SLC38A3: variants seen among roughly 807,000 people sequenced by gnomAD.
SLC38A3 encodes sodium-coupled neutral amino acid transporter 3.
A neutral mutation model predicts 59.5 loss-of-function variants in SLC38A3; 17 were observed. The observed-to-expected ratio is 0.29, with a 90% CI of 0.20 to 0.43. SLC38A3 has a LOEUF of 0.43. SLC38A3 is among the 20% of genes least tolerant of loss of function. The probability of loss-of-function intolerance (pLI) is 1.00; values close to 1 mark genes in which losing one functional copy is unlikely to be tolerated. For synonymous variants in SLC38A3, 238 were observed against 260.3 expected (o/e 0.91, Z 0.82); for missense variants, 454 against 653.9 (o/e 0.69, Z 3.33).
Position 50,215,514 on chromosome 3 carries a change from G to A in SLC38A3, c.374-30G>A. The A allele has an allele frequency of 6.2e-7, 1 of 1,613,760 alleles. No individual in the cohort carries two copies. The highest frequency in any genetic ancestry group is 8.5e-7 in the Non-Finnish European group (1 of 1,179,690). ...GGAGCTGGTGGGTAAACTGGGACAAGCTCCTGACTTCTTGACCCTGCTCCT... is the reference window on the plus strand; with the variant it reads ...GGAGCTGGTGGGTAAACTGGGACAAACTCCTGACTTCTTGACCCTGCTCCT... On this transcript the variant is annotated intron_variant, in intron 5 of 15. Transcript: ENST00000614032. The surrounding 1 kb of genome is among the most constrained non-coding windows in gnomAD (Gnocchi z 7.1).
rs1217518649 is a variant in SLC38A3 at position 50,214,523 on chromosome 3, G to A, written c.183+40G>A. On this transcript the variant is annotated intron_variant, in intron 3 of 15. Coordinates refer to ENST00000614032, the MANE Select transcript of SLC38A3 (RefSeq NM_006841.6). This position sits in a 1 kb window ranked among gnomAD's most constrained non-coding sequence, Gnocchi z 6.0. ...AACGGGTTTTAGGGGACACTGTGGG[G>A]AGCTTGGATGCAGTAATGAGGTGGT... 6.5e-7 allele frequency: 1 copy of A among 1,528,620 alleles called. No homozygotes were observed. Among genetic ancestry groups the A allele is most frequent in the Non-Finnish European group, 8.9e-7 (1 of 1,124,812 alleles). The allele number at this position is 1,528,620 out of a possible 1,614,324, so 94.7% of individuals were successfully genotyped here. A position where few individuals can be genotyped will look rare whatever the true frequency, so the allele number is the denominator to read the frequency against.
At chr3:50,209,104 T>C (rs1460276710) in intron 1 of SLC38A3, among the ~76,000 whole-genome samples, 2 of 152,222 alleles carry the variant, frequency 1.3e-5, no homozygotes, top group Non-Finnish European at 2.9e-5. Context: ...GGGTCTCCCC[T>C]GCCCCTGGGG....
chr3:50,213,957 G>A lies in SLC38A3; in HGVS notation c.-51-192G>A, dbSNP rs372248371. Among the ~76,000 whole-genome samples the A allele has an allele frequency of 6.6e-5, 10 of 152,248 alleles. 1 individual carries two copies. Among genetic ancestry groups the A allele is most frequent in the East Asian group, 5.8e-4 (3 of 5,180 alleles). Reference sequence around the variant, plus strand: ...ACTGGCTAGGGTGTCCCATCAGAACGTCCTAGGAACTCAGGTGTCTGAGCT... The same window carrying A: ...ACTGGCTAGGGTGTCCCATCAGAACATCCTAGGAACTCAGGTGTCTGAGCT... On this transcript the variant is annotated intron_variant, in intron 1 of 15. Coordinates refer to ENST00000614032, the MANE Select transcript of SLC38A3 (RefSeq NM_006841.6).
At chr3:50,210,854 G>A (rs1342527049) in intron 1 of SLC38A3, among the ~76,000 whole-genome samples, 1 of 152,116 alleles carries the variant, frequency 6.6e-6, no homozygotes, top group Non-Finnish European at 1.5e-5. Context: ...CATGACAGAT[G>A]CCATTCTGAT....
In SLC38A3 at chr3:50,214,403, G is replaced by A; in HGVS notation, c.103G>A (p.Val35Ile). 6.3e-7 allele frequency: 1 copy of A among 1,591,728 alleles called. No individual in the cohort carries two copies. The highest frequency in any genetic ancestry group is 8.6e-7 in the Non-Finnish European group (1 of 1,169,164). ...ACCCACCCTGACCTGTGCCTACAGG[G>A]TCGAGGACCCTGCACGGAGCTGTAT... ...VITPMAGNQR[V>I]EDPARSCMEG... The change falls in exon 3 of 16, where the codon GTC becomes ATC. Residue 35 changes from valine (V) to isoleucine (I), a missense_variant and splice_region_variant. Around this residue, in one of 3 missense-constraint regions of SLC38A3, gnomAD observed 390 missense variants for 557.9 expected, o/e 0.70. Transcript: ENST00000614032. This position sits in a 1 kb window ranked among gnomAD's most constrained non-coding sequence, Gnocchi z 6.0.
At position 50,215,833 on chromosome 3, in the gene SLC38A3, C is replaced by T. The variant is rs372965474; in HGVS notation, c.548+12C>T. The stretch of plus-strand genomic sequence containing the variant: ...GAGGAGAAAACCTCGTGAGCCCTGG[C>T]GTGGGGAGGGGAGGGGAGGGGTGCG... On this transcript the variant is annotated intron_variant, in intron 7 of 15. Coordinates refer to ENST00000614032, the MANE Select transcript of SLC38A3 (RefSeq NM_006841.6). This position sits in a 1 kb window ranked among gnomAD's most constrained non-coding sequence, Gnocchi z 7.1. The T allele has an allele frequency of 6.4e-5, 77 of 1,198,618 alleles. No homozygotes were observed. The East Asian group carries it at 1.0e-3, about 16-fold the overall frequency. The allele number at this position is 1,198,618 out of a possible 1,614,324, so 74.2% of individuals were successfully genotyped here. A position where few individuals can be genotyped will look rare whatever the true frequency, so the allele number is the denominator to read the frequency against.
At chr3:50,213,421 T>C (rs558841927) in intron 1 of SLC38A3, among the ~76,000 whole-genome samples, 1 of 152,128 alleles carries the variant, frequency 6.6e-6, no homozygotes, top group African/African-American at 2.4e-5. Flanking sequence ...GGAGCACCCG[T>C]TTCCTGGAAG....
At position 50,216,000 on chromosome 3, in the gene SLC38A3, A is replaced by G. The variant is rs1186004350; in HGVS notation, c.548+179A>G. 6.6e-6 allele frequency among the ~76,000 whole-genome samples: 1 copy of G among 151,848 alleles called. No homozygotes were observed. Among genetic ancestry groups the G allele is most frequent in the Non-Finnish European group, 1.5e-5 (1 of 67,966 alleles). On this transcript the variant is annotated intron_variant, in intron 7 of 15. Coordinates refer to ENST00000614032, the MANE Select transcript of SLC38A3 (RefSeq NM_006841.6). The surrounding 1 kb of genome is among the most constrained non-coding windows in gnomAD (Gnocchi z 7.1). ...CCCGCAGAGCCAGCATTCAGTTCACACTCACTTGGGAAGCACCTTGGAGAC... is the reference window on the plus strand; with the variant it reads ...CCCGCAGAGCCAGCATTCAGTTCACGCTCACTTGGGAAGCACCTTGGAGAC...
intron 1 of SLC38A3, among the ~76,000 whole-genome samples, chr3:50,206,647 G>A (rs2236940): frequency 0.4 from 61,573 of 152,108 alleles, 13,487 homozygotes; most frequent in East Asian, 0.6. Context: ...AGCCTGGCAC[G>A]TCTCTGAGAG....
chr3:50,206,206 C>T (rs1299073592), intron 1 of SLC38A3, among the ~76,000 whole-genome samples: 2 of 152,266 alleles, frequency 1.3e-5, no homozygotes, highest in African/African-American at 2.4e-5. Flanking sequence ...CTGCGGGGAC[C>T]CGCCCTTTTC....
chr3:50,215,301 A>AG lies in SLC38A3; in HGVS notation c.300-83dup. 8.1e-7 allele frequency: 1 copy of AG among 1,236,532 alleles called. No individual in the cohort carries two copies. Among genetic ancestry groups the AG allele is most frequent in the Non-Finnish European group, 1.2e-6 (1 of 841,812 alleles). The allele number at this position is 1,236,532 out of a possible 1,614,324, so 76.6% of individuals were successfully genotyped here. A position where few individuals can be genotyped will look rare whatever the true frequency, so the allele number is the denominator to read the frequency against. ...CCCAGGTCACAGACCCTCCACCCCCAGGCCTCCCAGAGCCCCTCACCCTCT... is the reference window on the plus strand; with the variant it reads ...CCCAGGTCACAGACCCTCCACCCCCAGGGCCTCCCAGAGCCCCTCACCCTCT... On this transcript the variant is annotated intron_variant, in intron 4 of 15. Coordinates refer to ENST00000614032, the MANE Select transcript of SLC38A3 (RefSeq NM_006841.6). The surrounding 1 kb of genome is among the most constrained non-coding windows in gnomAD (Gnocchi z 7.1).
At position 50,215,060 on chromosome 3, in the gene SLC38A3, G is replaced by T; in HGVS notation, c.299+292G>T. 1.7e-6 allele frequency: 1 copy of T among 573,192 alleles called. No homozygotes were observed. The highest frequency in any genetic ancestry group is 2.1e-5 in the South Asian group (1 of 48,348). The allele number at this position is 573,192 out of a possible 1,614,324, so 35.5% of individuals were successfully genotyped here. A position where few individuals can be genotyped will look rare whatever the true frequency, so the allele number is the denominator to read the frequency against. ...ACGGCCAGGCCTTGTGTGGGCACAC[G>T]TGTCCTTTGGCTGGGGGCTCTGCCC... On this transcript the variant is annotated intron_variant, in intron 4 of 15. Transcript: ENST00000614032. The surrounding 1 kb of genome is among the most constrained non-coding windows in gnomAD (Gnocchi z 7.1).
At chr3:50,212,194 C>T (rs920883055) in intron 1 of SLC38A3, among the ~76,000 whole-genome samples, 1 of 152,242 alleles carries the variant, frequency 6.6e-6, no homozygotes, top group African/African-American at 2.4e-5. Context: ...ACTGTGGTCT[C>T]CCTGGAGGCA....
Position 50,218,251 on chromosome 3 carries a change from C to A in SLC38A3, c.936-19C>A. 9 of 1,435,916 alleles carry A rather than the reference C, an allele frequency of 6.3e-6. No individual in the cohort carries two copies. Among genetic ancestry groups the A allele is most frequent in the Non-Finnish European group, 8.8e-6 (9 of 1,017,752 alleles). The allele number at this position is 1,435,916 out of a possible 1,614,324, so 88.9% of individuals were successfully genotyped here. On this transcript the variant is annotated intron_variant, in intron 11 of 15. Coordinates refer to ENST00000614032, the MANE Select transcript of SLC38A3 (RefSeq NM_006841.6). The surrounding 1 kb of genome is among the most constrained non-coding windows in gnomAD (Gnocchi z 5.8). Reference sequence around the variant, plus strand: ...TTACCCAGCTTGTCACCAACACCCACCCCCCCACTTCCCCACAGCCCCTCC... The same window carrying A: ...TTACCCAGCTTGTCACCAACACCCAACCCCCCACTTCCCCACAGCCCCTCC...
Position 50,214,181 on chromosome 3 carries a change from T to C in SLC38A3, c.-19T>C. The C allele has an allele frequency of 6.2e-7, 1 of 1,608,862 alleles. No homozygotes were observed. Among genetic ancestry groups the C allele is most frequent in the Non-Finnish European group, 8.5e-7 (1 of 1,176,478 alleles). ...ACTGTTGGTGTGAGACCAGTGCTCC[T>C]GGTGGTGTGCCCTGAGCCATGGAGG... On this transcript the variant is annotated 5_prime_UTR_variant, in exon 2 of 16. Coordinates refer to ENST00000614032, the MANE Select transcript of SLC38A3 (RefSeq NM_006841.6). The surrounding 1 kb of genome is among the most constrained non-coding windows in gnomAD (Gnocchi z 6.0).
intron 1 of SLC38A3, among the ~76,000 whole-genome samples, chr3:50,205,971 G>A (rs570443969): frequency 6.6e-6 from 1 of 152,382 alleles, no homozygotes; most frequent in East Asian, 1.9e-4. Flanking sequence ...CACAGCGGGC[G>A]CAGGGCGCGA....
intron 1 of SLC38A3, among the ~76,000 whole-genome samples, chr3:50,209,796 G>C (rs1699698841): frequency 6.6e-6 from 1 of 152,186 alleles, no homozygotes; most frequent in Non-Finnish European, 1.5e-5. Context: ...AGGCCAGGGA[G>C]CTGGGGGCTG....
At position 50,220,159 on chromosome 3, in the gene SLC38A3, G is replaced by T. The variant is rs1398330988; in HGVS notation, c.1497G>T (p.Arg499=). ...IIIDWASGTS[R]HGGNH ...TTGACTGGGCCTCAGGGACCAGCCG[G>T]CATGGAGGAAACCACTAGGGTGACC... is the stretch of plus-strand genomic sequence containing the variant. The change falls in exon 16 of 16, where the codon CGG becomes CGT. Residue 499 remains arginine, a synonymous_variant. Transcript: ENST00000614032. 1 of 1,594,690 alleles carries T rather than the reference G, an allele frequency of 6.3e-7. No homozygotes were observed. The highest frequency in any genetic ancestry group is 8.6e-7 in the Non-Finnish European group (1 of 1,169,484).
rs758580823 is a variant in SLC38A3 at position 50,214,207 on chromosome 3, C to T, written c.8C>T (p.Ala3Val). Reference protein sequence around the residue: MEAPLQTEMVELV... With the variant: MEVPLQTEMVELV... ...GGTGGTGTGCCCTGAGCCATGGAGGCGCCTTTGCAGACAGAGATGGTGGAG... is the reference window on the plus strand; with the variant it reads ...GGTGGTGTGCCCTGAGCCATGGAGGTGCCTTTGCAGACAGAGATGGTGGAG... Residue 3 changes from alanine (A) to valine (V), a missense_variant, in exon 2 of 16, where the codon GCG becomes GTG. Coordinates refer to ENST00000614032, the MANE Select transcript of SLC38A3 (RefSeq NM_006841.6). This position sits in a 1 kb window ranked among gnomAD's most constrained non-coding sequence, Gnocchi z 6.0. 7 of 1,613,448 alleles carry T rather than the reference C, an allele frequency of 4.3e-6. No homozygotes were observed. The highest frequency in any genetic ancestry group is 5.1e-6 in the Non-Finnish European group (6 of 1,179,682).
Sources: gnomAD v4.1 joint callset for allele counts (sites outside exome capture counted in the v4.1 genomes callset) on GRCh38, gnomAD v4.1.1 for gene constraint, gnomAD v4.1.1 regional missense constraint, Gnocchi (gnomAD v3.1) non-coding constraint, MANE v1.5 for transcripts, NCBI Gene and HGNC (gene_info 2026-07-23, HGNC 2026-07-21) for gene names.